Variants in PLAAT1 observed in about 807,000 individuals in gnomAD.
PLAAT1 encodes the protein H-REV107 protein-related protein.
Under a neutral mutation model 16.4 loss-of-function variants are expected in PLAAT1, and 13 were observed. That is an observed-to-expected ratio of 0.79 (90% CI 0.52 to 1.26). PLAAT1 has a LOEUF of 1.26. Ranked by LOEUF, PLAAT1 falls within the 50% of genes most tolerant of loss-of-function variation. The pLI, the probability that PLAAT1 is intolerant of heterozygous loss-of-function variation, is 0.00. For synonymous variants in PLAAT1, 73 were observed against 78.4 expected, an observed-to-expected ratio of 0.93 and a Z score of 0.36; for missense variants, 218 against 207.8, an observed-to-expected ratio of 1.05 and a Z score of -0.30.
downstream of PLAAT1, among the ~76,000 whole-genome samples, chr3:193,280,197 C>T (rs963915437): frequency 6.6e-6 from 1 of 151,902 alleles, no homozygotes; most frequent in Non-Finnish European, 1.5e-5. Flanking sequence ...ACTACAGGCG[C>T]CCACCACCAT....
chr3:193,240,682 T>TGTGTGTGTGTGG (rs1182255845), upstream of PLAAT1, among the ~76,000 whole-genome samples: 2 of 148,798 alleles, frequency 1.3e-5, no homozygotes, highest in Non-Finnish European at 3.0e-5. Flanking sequence ...TGTGTGTGTG[T>TGTGTGTGTGTGG]GTGGTTGGAG....
intron 1 of PLAAT1, among the ~76,000 whole-genome samples, chr3:193,249,870 G>A (rs193146611): frequency 5.7e-4 from 87 of 151,666 alleles, no homozygotes; most frequent in African/African-American, 1.7e-3. Context: ...CTGTCTCATC[G>A]TTGAAGTTCC....
At chr3:193,242,762 A>G (rs1480266678) in intron 1 of PLAAT1, among the ~76,000 whole-genome samples, 4 of 152,176 alleles carry the variant, frequency 2.6e-5, no homozygotes, top group South Asian at 2.1e-4. Flanking sequence ...GAATTAGCCA[A>G]TCTGGGAATA....
intron 1 of PLAAT1, among the ~76,000 whole-genome samples, chr3:193,248,511 C>T (rs777935813): frequency 6.6e-6 from 1 of 151,950 alleles, no homozygotes; most frequent in South Asian, 2.1e-4. Context: ...TTGCTTGCTT[C>T]CTTTGCAATT....
intron 2 of PLAAT1, chr3:193,276,838 AAAAC>A (rs777701836): frequency 3.7e-6 from 6 of 1,603,974 alleles, no homozygotes; most frequent in South Asian, 3.3e-5. Context: ...CAACTGTTGA[AAAAC>A]AAATACCATT....
downstream of PLAAT1, among the ~76,000 whole-genome samples, chr3:193,280,646 GTTC>G (rs1417614702): frequency 5.3e-5 from 8 of 152,164 alleles, no homozygotes; most frequent in African/African-American, 1.9e-4. Flanking sequence ...CAGCATCTCT[GTTC>G]TTATTTCCAA....
chr3:193,254,409 A>G (rs113562871), intron 1 of PLAAT1, among the ~76,000 whole-genome samples: 2 of 152,310 alleles, frequency 1.3e-5, no homozygotes, highest in African/African-American at 4.8e-5. Flanking sequence ...AAATGAGCAT[A>G]TATATCTGCA....
chr3:193,244,341 T>A (rs1715895635), intron 1 of PLAAT1, among the ~76,000 whole-genome samples: 1 of 152,152 alleles, frequency 6.6e-6, no homozygotes, highest in Admixed American at 6.5e-5. Flanking sequence ...TAGCTACACA[T>A]TCCCACCAGC....
downstream of PLAAT1, among the ~76,000 whole-genome samples, chr3:193,271,341 T>A (rs1207340700): frequency 6.6e-6 from 1 of 152,204 alleles, no homozygotes; most frequent in Non-Finnish European, 1.5e-5. Flanking sequence ...GAGTGGGCTG[T>A]TATTTCTACA....
rs528571275 is a variant in PLAAT1, at chr3:193,263,335, T to C, written c.405+100T>C. The C allele has an allele frequency of 1.4e-4, 161 of 1,131,460 alleles. 1 individual carries two copies. The highest frequency in any genetic ancestry group is 1.8e-4 in the Non-Finnish European group (147 of 801,214). 70.1% of individuals were successfully genotyped at this position (1,131,460 alleles called of 1,614,324 possible). ...AAACCAAATGAAAAGAACCAGAAAATACGAGAATACTGAAGGATAGAGAAT... is the reference window on the plus strand; with the variant it reads ...AAACCAAATGAAAAGAACCAGAAAACACGAGAATACTGAAGGATAGAGAAT... On this transcript the variant is annotated intron_variant, in intron 3 of 3. Transcript: ENST00000264735.
intron 2 of PLAAT1, among the ~76,000 whole-genome samples, chr3:193,257,251 A>G (rs1716412654): frequency 6.6e-6 from 1 of 152,166 alleles, no homozygotes; most frequent in Non-Finnish European, 1.5e-5. Context: ...TCGCTGGACT[A>G]TCACTGTGCC....
downstream of PLAAT1, among the ~76,000 whole-genome samples, chr3:193,278,414 C>G (rs1717324108): frequency 6.6e-6 from 1 of 152,168 alleles, no homozygotes; most frequent in Admixed American, 6.5e-5. Flanking sequence ...CCATCCATGC[C>G]TGCCTTTATT....
At chr3:193,275,996 A>C (rs142928901) in intron 2 of PLAAT1, among the ~76,000 whole-genome samples, 20 of 152,298 alleles carry the variant, frequency 1.3e-4, no homozygotes, top group Middle Eastern at 3.4e-3. Flanking sequence ...AACAACACTT[A>C]AGTTGAATGT....
upstream of PLAAT1, chr3:193,241,083 G>A (rs7426436): frequency 1.5e-6 from 1 of 672,622 alleles, no homozygotes; most frequent in Admixed American, 4.6e-5. Context: ...GCGCGCGGAG[G>A]CGGCTGCGTC....
At chr3:193,276,771 G>C (rs771113074) in intron 2 of PLAAT1, 5 of 1,612,378 alleles carry the variant, frequency 3.1e-6, no homozygotes, top group South Asian at 2.2e-5. Flanking sequence ...AAGCCACACA[G>C]AATTGGGTGA....
downstream of PLAAT1, chr3:193,275,269 A>C: frequency 6.2e-7 from 1 of 1,613,918 alleles, no homozygotes; most frequent in Non-Finnish European, 8.5e-7. Context: ...CTTTTGATCA[A>C]CAGCCAGAGT....
chr3:193,266,882 T>A (rs1716798122), intron 3 of PLAAT1, among the ~76,000 whole-genome samples: 1 of 152,160 alleles, frequency 6.6e-6, no homozygotes, highest in African/African-American at 2.4e-5. Flanking sequence ...ATTAGTTTTT[T>A]GAATCCCTTT....
chr3:193,277,225 C>G (rs13063816), intron 2 of PLAAT1, among the ~76,000 whole-genome samples: 57,563 of 151,618 alleles, frequency 0.38, 12,521 homozygotes, highest in Non-Finnish European at 0.48. Context: ...CAAATTCTAC[C>G]TGGAATTCAT....
intron 3 of PLAAT1, among the ~76,000 whole-genome samples, chr3:193,264,009 T>C (rs751759936): frequency 6.6e-6 from 1 of 152,134 alleles, no homozygotes; most frequent in Non-Finnish European, 1.5e-5. Flanking sequence ...AAAATACATA[T>C]AAAAGTGTTC....
Sources: gnomAD v4.1 joint callset for allele counts (sites outside exome capture counted in the v4.1 genomes callset) on GRCh38, gnomAD v4.1.1 for gene constraint, MANE v1.5 for transcripts, NCBI Gene and HGNC (gene_info 2026-07-23, HGNC 2026-07-21) for gene names.